Variants in ATF7IP observed in about 807,000 individuals in gnomAD.
ATF7IP encodes activating transcription factor 7 interacting protein, also known as activating transcription factor 7-interacting protein 1.
ATF7IP carries 23 observed loss-of-function variants against 106.4 expected under a neutral mutation model. That is an observed-to-expected ratio of 0.22 (90% confidence interval 0.16 to 0.31). The LOEUF (loss-of-function observed/expected upper bound fraction) is 0.31, where lower values mean the gene tolerates loss of function less well. ATF7IP is among the 10% of genes least tolerant of loss of function. The pLI is 1.00. For missense variants in ATF7IP, 1,334 were observed against 1,524.3 expected, an observed-to-expected ratio of 0.88 and a Z score of 2.08; for synonymous variants, 542 against 539.0, an observed-to-expected ratio of 1.01 and a Z score of -0.08.
Position 14,425,421 on chromosome 12 carries a change from G to A in ATF7IP, c.1506G>A (p.Ser502=), listed in dbSNP as rs538272328. ...TCCTCTCTGATGAAGAGGATATTTC[G>A]GGTGAAAAAGATGAGTCTGAAGTTA... The part of the protein sequence containing the change: ...FLVLSDEEDI[S]GEKDESEVIS... The change falls in exon 2 of 15, where the codon TCG becomes TCA. Residue 502 remains serine (S), a synonymous_variant. Coordinates refer to ENST00000261168, the MANE Select transcript of ATF7IP (RefSeq NM_018179.5). 8.8e-6 allele frequency: 14 copies of A among 1,595,852 alleles called. No individual in the cohort carries two copies. The highest frequency in any genetic ancestry group is 4.6e-5 in the South Asian group (4 of 87,536).
intron 2 of ATF7IP, among the ~76,000 whole-genome samples, chr12:14,432,891 A>AT (rs1328673946): frequency 2.6e-5 from 4 of 151,718 alleles, no homozygotes; most frequent in African/African-American, 4.8e-5. Context: ...ATCTTAATGA[A>AT]TTTTTTTTTG....
chr12:14,401,436 A>G (rs1940189647), intron 1 of ATF7IP, among the ~76,000 whole-genome samples: 1 of 152,154 alleles, frequency 6.6e-6, no homozygotes, highest in Non-Finnish European at 1.5e-5. Flanking sequence ...AGCTCAGGTG[A>G]TCCGCCTGCC....
chr12:14,470,310 C>T (rs1943992220), intron 10 of ATF7IP, among the ~76,000 whole-genome samples: 1 of 152,158 alleles, frequency 6.6e-6, no homozygotes, highest in Non-Finnish European at 1.5e-5. Context: ...CTTATTGAGA[C>T]TGGTCGTTTT....
At position 14,478,171 on chromosome 12, in the gene ATF7IP, C is replaced by T. The variant is rs564334254; in HGVS notation, c.2942-146C>T. 12 of 740,180 alleles carry T rather than the reference C, an allele frequency of 1.6e-5. 1 individual carries two copies. The South Asian group carries it at 1.9e-4, about 12-fold the overall frequency. The allele number at this position is 740,180 out of a possible 1,614,324, so 45.9% of individuals were successfully genotyped here. Reference sequence around the variant, plus strand: ...CAGTTTTCAAATCAGCAAAAATACACGTAAGTAAAATGGAAATAAATTATT... The same window carrying T: ...CAGTTTTCAAATCAGCAAAAATACATGTAAGTAAAATGGAAATAAATTATT... On this transcript the variant is annotated intron_variant, in intron 11 of 14. Transcript: ENST00000261168.
chr12:14,403,233 G>A (rs1940360084), intron 1 of ATF7IP, among the ~76,000 whole-genome samples: 1 of 152,100 alleles, frequency 6.6e-6, no homozygotes, highest in Non-Finnish European at 1.5e-5. Context: ...GTTAAGAAAT[G>A]AGTTAATTTT....
At chr12:14,417,555 G>T (rs1385346734) in intron 1 of ATF7IP, among the ~76,000 whole-genome samples, 1 of 151,958 alleles carries the variant, frequency 6.6e-6, no homozygotes, top group African/African-American at 2.4e-5. Context: ...ATTTACATTT[G>T]AATTTTGCAT....
chr12:14,484,728 G>A (rs1237193482), intron 13 of ATF7IP, among the ~76,000 whole-genome samples: 1 of 152,176 alleles, frequency 6.6e-6, no homozygotes, highest in Non-Finnish European at 1.5e-5. Flanking sequence ...AGCGTGACAG[G>A]AGTGGAGATA....
intron 12 of ATF7IP, among the ~76,000 whole-genome samples, chr12:14,479,571 G>A (rs6416280): frequency 0.9 from 136,426 of 152,148 alleles, 61,356 homozygotes; most frequent in East Asian, 0.96. Context: ...GAATCAGGAT[G>A]TTTTCCATAG....
chr12:14,458,439 T>TCCACAGA (rs1943516331), intron 8 of ATF7IP, among the ~76,000 whole-genome samples: 1 of 152,254 alleles, frequency 6.6e-6, no homozygotes, highest in Non-Finnish European at 1.5e-5. Context: ...ATATTCTTCT[T>TCCACAGA]TAATACTATC....
rs1028006387 is a variant in ATF7IP at position 14,421,891 on chromosome 12, C to A, written c.-7-2018C>A. ...GAAATCAGCCTTGTATTTTTCTAAGCGAGCTTCACTTGGTCAGAATTCATT... is the reference window on the plus strand; with the variant it reads ...GAAATCAGCCTTGTATTTTTCTAAGAGAGCTTCACTTGGTCAGAATTCATT... On this transcript the variant is annotated intron_variant, in intron 1 of 14. Coordinates refer to ENST00000261168, the MANE Select transcript of ATF7IP (RefSeq NM_018179.5). 4.6e-5 allele frequency among the ~76,000 whole-genome samples: 7 copies of A among 152,188 alleles called. No homozygotes were observed. The South Asian group carries it at 8.3e-4, about 18-fold the overall frequency.
chr12:14,468,582 T>TATTTTATTTGGCTTCAAGGAAGAGGA (rs1201992408), intron 10 of ATF7IP, among the ~76,000 whole-genome samples: 7 of 151,688 alleles, frequency 4.6e-5, no homozygotes, highest in African/African-American at 1.7e-4. Flanking sequence ...TCTCAATAGA[T>TATTTTATTTGGCTTCAAGGAAGAGGA]ATTTTATTTG....
chr12:14,376,889 A>T (rs575446692), intron 1 of ATF7IP, among the ~76,000 whole-genome samples: 3 of 152,044 alleles, frequency 2.0e-5, no homozygotes, highest in Non-Finnish European at 4.4e-5. Flanking sequence ...TTGCGCCACT[A>T]CACTCCAGCG....
intron 1 of ATF7IP, among the ~76,000 whole-genome samples, chr12:14,381,799 T>A (rs991217928): frequency 5.9e-5 from 9 of 151,994 alleles, no homozygotes; most frequent in Admixed American, 1.3e-4. Context: ...TTTCAATAAT[T>A]TGCATATGCA....
At chr12:14,465,847 G>A (rs2136746485) in intron 9 of ATF7IP, among the ~76,000 whole-genome samples, 1 of 152,028 alleles carries the variant, frequency 6.6e-6, no homozygotes, top group Middle Eastern at 3.4e-3. Context: ...AGAAAGGATG[G>A]GCTGTTTCAA....
At chr12:14,376,024 T>G (rs1317280280) in intron 1 of ATF7IP, among the ~76,000 whole-genome samples, 1 of 152,156 alleles carries the variant, frequency 6.6e-6, no homozygotes, top group Non-Finnish European at 1.5e-5. Flanking sequence ...TGGAGACCAG[T>G]TTTAGGACTG....
intron 6 of ATF7IP, among the ~76,000 whole-genome samples, chr12:14,453,995 G>A (rs1943315936): frequency 6.6e-6 from 1 of 152,026 alleles, no homozygotes; most frequent in Non-Finnish European, 1.5e-5. Context: ...CTTTAGGGTT[G>A]GTTTTTGGAG....
intron 10 of ATF7IP, among the ~76,000 whole-genome samples, chr12:14,472,405 A>G (rs766432144): frequency 4.6e-5 from 7 of 152,220 alleles, no homozygotes; most frequent in Non-Finnish European, 1.0e-4. Flanking sequence ...ATCATTTATC[A>G]GCACCAAGTG....
At chr12:14,473,763 C>T (rs1448359624) in intron 10 of ATF7IP, among the ~76,000 whole-genome samples, 1 of 150,092 alleles carries the variant, frequency 6.7e-6, no homozygotes, top group Non-Finnish European at 1.5e-5. Flanking sequence ...TCTTTTGTCT[C>T]CTTTTTTCAA....
chr12:14,410,287 G>T (rs1940841426), intron 1 of ATF7IP, among the ~76,000 whole-genome samples: 1 of 152,070 alleles, frequency 6.6e-6, no homozygotes, highest in South Asian at 2.1e-4. Flanking sequence ...TTTAAATTTG[G>T]CACTGTTCTA....
Sources: gnomAD v4.1 joint callset for allele counts (sites outside exome capture counted in the v4.1 genomes callset) on GRCh38, gnomAD v4.1.1 for gene constraint, MANE v1.5 for transcripts, NCBI Gene and HGNC (gene_info 2026-07-23, HGNC 2026-07-21) for gene names.